PPP2R2C: variants seen among roughly 807,000 people sequenced by gnomAD.
PPP2R2C encodes protein phosphatase 2 regulatory subunit Bgamma, also known as protein phosphatase 2, regulatory subunit B, gamma.
In PPP2R2C, 10 loss-of-function variants were observed where a neutral mutation model predicts 45.3. The observed-to-expected ratio is 0.22, with a 90% confidence interval of 0.14 to 0.37. PPP2R2C has a LOEUF of 0.37. Among genes scored for constraint, PPP2R2C ranks in the 10% least tolerant of loss-of-function variants. PPP2R2C has a pLI of 1.00. For missense variants in PPP2R2C, 308 were observed against 619.7 expected (o/e 0.50, Z 5.34); for synonymous variants, 257 against 245.4 (o/e 1.05, Z -0.44).
intron 2 of PPP2R2C, among the ~76,000 whole-genome samples, chr4:6,524,304 T>G (rs1343045236): frequency 6.6e-6 from 1 of 152,142 alleles, no homozygotes; most frequent in East Asian, 1.9e-4. Context: ...TGAATGTAAG[T>G]GAACTGCATG....
intron 5 of PPP2R2C, among the ~76,000 whole-genome samples, chr4:6,366,115 T>C (rs1246232354): frequency 1.3e-5 from 2 of 152,332 alleles, no homozygotes; most frequent in South Asian, 2.1e-4. Context: ...AGGGCTGTTG[T>C]TTAAGAGACA....
chr4:6,482,118 A>G (rs758512315), intron 2 of PPP2R2C, among the ~76,000 whole-genome samples: 7 of 152,040 alleles, frequency 4.6e-5, no homozygotes, highest in African/African-American at 9.6e-5. Flanking sequence ...GATATGGTCT[A>G]TCTCTGTATT....
intron 1 of PPP2R2C, among the ~76,000 whole-genome samples, chr4:6,423,544 C>T (rs547769411): frequency 9.2e-4 from 140 of 152,338 alleles, no homozygotes; most frequent in African/African-American, 3.2e-3. Context: ...CACACATGCA[C>T]CCTGCCCTTA....
intron 5 of PPP2R2C, chr4:6,349,458 A>G (rs1325195445): frequency 2.0e-6 from 2 of 984,842 alleles, no homozygotes; most frequent in Admixed American, 6.1e-5. Context: ...GCAGAGCTCA[A>G]TGAATGTCAG....
chr4:6,411,841 C>T (rs968958432), intron 1 of PPP2R2C, among the ~76,000 whole-genome samples: 4 of 151,852 alleles, frequency 2.6e-5, no homozygotes, highest in Admixed American at 6.6e-5. Context: ...CATGAGCCAC[C>T]GCGCCCGGCC....
chr4:6,328,150 C>A lies in PPP2R2C; in HGVS notation c.1052+1112G>T, dbSNP rs1449976638. ...GCCATCCACAGGGTGGACAGCCCCC[C>A]ACCAGGTGATGCCCAAGTCAGGGCT... is the stretch of plus-strand genomic sequence containing the variant. On this transcript the variant is annotated intron_variant, in intron 8 of 8. Coordinates refer to ENST00000382599, the MANE Select transcript of PPP2R2C (RefSeq NM_020416.4). This position sits in a 1 kb window ranked among gnomAD's most constrained non-coding sequence, Gnocchi z 4.4. 6.6e-6 allele frequency among the ~76,000 whole-genome samples: 1 copy of A among 152,204 alleles called. No individual in the cohort carries two copies. Among genetic ancestry groups the A allele is most frequent in the Non-Finnish European group, 1.5e-5 (1 of 68,042 alleles).
intron 1 of PPP2R2C, among the ~76,000 whole-genome samples, chr4:6,467,944 C>T (rs187291042): frequency 6.6e-6 from 1 of 152,136 alleles, no homozygotes; most frequent in African/African-American, 2.4e-5. Context: ...TGTGGTTCTC[C>T]CTACTTTCCA....
At chr4:6,363,573 C>T (rs1360468685) in intron 5 of PPP2R2C, among the ~76,000 whole-genome samples, 8 of 150,656 alleles carry the variant, frequency 5.3e-5, no homozygotes, top group Non-Finnish European at 8.9e-5. Context: ...AGTGAGTCTC[C>T]ATCTCAAAAA....
intron 1 of PPP2R2C, among the ~76,000 whole-genome samples, chr4:6,386,462 C>A (rs1716221569): frequency 6.6e-6 from 1 of 152,218 alleles, no homozygotes; most frequent in Non-Finnish European, 1.5e-5. Flanking sequence ...ACCACACACA[C>A]ACAGGACAGA....
chr4:6,428,724 G>A (rs2109405541), intron 1 of PPP2R2C, among the ~76,000 whole-genome samples: 1 of 152,318 alleles, frequency 6.6e-6, no homozygotes, highest in South Asian at 2.1e-4. Flanking sequence ...ACCCACCAGG[G>A]GCTGGACCCC....
upstream of PPP2R2C, among the ~76,000 whole-genome samples, chr4:6,475,093 C>T (rs911019188): frequency 1.3e-5 from 2 of 152,228 alleles, no homozygotes; most frequent in African/African-American, 4.8e-5. Context: ...GTGGAGCTGG[C>T]CTCCCAGTGG....
At chr4:6,560,881 C>T (rs73086943) in intron 1 of PPP2R2C, among the ~76,000 whole-genome samples, 5,942 of 152,314 alleles carry the variant, frequency 0.039, 371 homozygotes, top group African/African-American at 0.13. Context: ...ACCTCCCCAA[C>T]CTGGGTTCTC....
chr4:6,496,398 C>T (rs1347162180), intron 2 of PPP2R2C, among the ~76,000 whole-genome samples: 1 of 152,190 alleles, frequency 6.6e-6, no homozygotes, highest in Non-Finnish European at 1.5e-5. Flanking sequence ...GAAATGGACG[C>T]AACAGAGGCT....
At chr4:6,448,085 C>A (rs1288269361) in intron 1 of PPP2R2C, among the ~76,000 whole-genome samples, 1 of 152,110 alleles carries the variant, frequency 6.6e-6, no homozygotes, top group African/African-American at 2.4e-5. Flanking sequence ...ATGAGAAAAC[C>A]CCGCACAGAG....
rs1714555468 is a variant in PPP2R2C at position 6,368,757 on chromosome 4, CT to C, written c.625+3765del. ...GGCCACGCTCTGGCCCTGCCTCTCA[CT>C]CTCTCTCCCCGGGTCTCCTTGCTGG... On this transcript the variant is annotated intron_variant, in intron 5 of 8. Transcript: ENST00000382599. This position sits in a 1 kb window ranked among gnomAD's most constrained non-coding sequence, Gnocchi z 4.2. Among the ~76,000 whole-genome samples, 1 of 152,132 alleles carries C rather than the reference CT, an allele frequency of 6.6e-6. No homozygotes were observed. Among genetic ancestry groups the C allele is most frequent in the African/African-American group, 2.4e-5 (1 of 41,410 alleles).
At chr4:6,402,341 T>C (rs1362089405) in intron 1 of PPP2R2C, among the ~76,000 whole-genome samples, 1 of 152,202 alleles carries the variant, frequency 6.6e-6, no homozygotes, top group East Asian at 1.9e-4. Flanking sequence ...AACAGTAGCT[T>C]TGCTAGGCTG....
chr4:6,334,209 T>C (rs1257854027), intron 6 of PPP2R2C, among the ~76,000 whole-genome samples: 39 of 152,180 alleles, frequency 2.6e-4, no homozygotes, highest in Non-Finnish European at 1.5e-5. Flanking sequence ...CTGTTCATGG[T>C]GTCCTGGGCA....
chr4:6,397,544 G>GGGAGTGACGTCTGGTCCCGCAGCTT (rs1246641529), intron 1 of PPP2R2C, among the ~76,000 whole-genome samples: 1 of 80,844 alleles, frequency 1.2e-5, no homozygotes, highest in African/African-American at 3.8e-5. Context: ...AGAGCCTCTT[G>GGGAGTGACGTCTGGTCCCGCAGCTT]CATGAGGTTC....
intron 2 of PPP2R2C, among the ~76,000 whole-genome samples, chr4:6,516,914 G>T (rs1169796027): frequency 6.6e-6 from 1 of 152,198 alleles, no homozygotes; most frequent in African/African-American, 2.4e-5. Context: ...AGCAGTCTTG[G>T]CGAGTGGCAT....
Sources: allele counts gnomAD v4.1 joint callset (sites outside exome capture counted in the v4.1 genomes callset), GRCh38; gene constraint gnomAD v4.1.1; non-coding constraint Gnocchi (gnomAD v3.1); transcripts MANE v1.5; gene names NCBI Gene and HGNC (gene_info 2026-07-23, HGNC 2026-07-21).